Variants in RASGRP2 observed in about 807,000 individuals in gnomAD.
RASGRP2 encodes RAS guanyl-releasing protein 2.
Under a neutral mutation model 71.0 loss-of-function variants are expected in RASGRP2, and 44 were observed. The ratio of observed to expected loss-of-function variants is 0.62; its 90% CI spans 0.49 to 0.80. RASGRP2 has a LOEUF of 0.80. Among genes scored for constraint, RASGRP2 ranks in the 30% least tolerant of loss-of-function variants. The pLI is 0.00. For synonymous variants in RASGRP2, 350 were observed against 330.7 expected, an observed-to-expected ratio of 1.06 and a Z score of -0.63; for missense variants, 663 against 813.4, an observed-to-expected ratio of 0.82 and a Z score of 2.25.
At chr11:64,731,360 A>G (rs749761622) in intron 12 of RASGRP2, among the ~76,000 whole-genome samples, 60 of 142,762 alleles carry the variant, frequency 4.2e-4, no homozygotes, top group Admixed American at 1.9e-3. Flanking sequence ...CCTGTCTCAG[A>G]AAAAAAAAAA....
At chr11:64,727,974 C>A (rs986004505) in intron 15 of RASGRP2, among the ~76,000 whole-genome samples, 2 of 152,176 alleles carry the variant, frequency 1.3e-5, no homozygotes, top group Non-Finnish European at 1.5e-5. Context: ...ATGGATTTAT[C>A]TTTTCTATTT....
chr11:64,741,661 A>G, intron 3 of RASGRP2, 160 bp from the exon 4 acceptor site: 1 of 705,166 alleles, frequency 1.4e-6, no homozygotes, highest in Non-Finnish European at 2.5e-6. Context: ...GAGGGGTTGG[A>G]GGTGGGGGTG....
At chr11:64,733,823 G>A (rs2057839266) in intron 12 of RASGRP2, among the ~76,000 whole-genome samples, 1 of 151,280 alleles carries the variant, frequency 6.6e-6, no homozygotes, top group South Asian at 2.1e-4. Flanking sequence ...GAAAAGGAAA[G>A]AGGGGACTTT....
At position 64,735,806 on chromosome 11, in the gene RASGRP2, G is replaced by T; in HGVS notation, c.1173+97C>A. ...CCAGGATGCCTCTGTCCTACAAGATGGATGGGTGAGGTGGCTGCTAAGAGC... is the reference window on the plus strand; with the variant it reads ...CCAGGATGCCTCTGTCCTACAAGATTGATGGGTGAGGTGGCTGCTAAGAGC... On this transcript the variant is annotated intron_variant, in intron 10 of 16. Transcript: ENST00000394432. The surrounding 1 kb of genome is among the most constrained non-coding windows in gnomAD (Gnocchi z 4.2). 1 of 1,476,214 alleles carries T rather than the reference G, an allele frequency of 6.8e-7. No individual in the cohort carries two copies. The highest frequency in any genetic ancestry group is 9.3e-7 in the Non-Finnish European group (1 of 1,075,242). 91.4% of individuals were successfully genotyped at this position (1,476,214 alleles called of 1,614,324 possible). A position where few individuals can be genotyped will look rare whatever the true frequency, so the allele number is the denominator to read the frequency against.
rs375059620 is a variant in RASGRP2 at position 64,740,949 on chromosome 11, C to T, written c.370G>A (p.Val124Ile). 4.3e-6 allele frequency: 7 copies of T among 1,614,006 alleles called. No homozygotes were observed. Among genetic ancestry groups the T allele is most frequent in the South Asian group, 1.1e-5 (1 of 91,074 alleles). ...GCCCTCTGTGCTCCCCCCACGCACA[C>T]GCTGTCTATGTCGATTAGGCTGCTG... The part of the protein sequence containing the change: ...RHSSLIDIDS[V>I]PTYKWKRQVT... The change falls in exon 5 of 17, where the codon GTC becomes ATC. Residue 124 changes from valine (V) to isoleucine (I), a missense_variant and splice_region_variant. By Grantham distance (29) the Val-to-Ile change is conservative. Coordinates refer to ENST00000394432, the MANE Select transcript of RASGRP2 (RefSeq NM_001098671.2).
Position 64,742,662 on chromosome 11 carries a change from A to T in RASGRP2, c.73+132T>A. On this transcript the variant is annotated intron_variant, in intron 2 of 16. Coordinates refer to ENST00000394432, the MANE Select transcript of RASGRP2 (RefSeq NM_001098671.2). This position sits in a 1 kb window ranked among gnomAD's most constrained non-coding sequence, Gnocchi z 4.7. ...CTGCGTTGCGGAGGAGGCTTTCGTTAAAGAGACTGCACGCTGCGGAGCAGG... is the reference window on the plus strand; with the variant it reads ...CTGCGTTGCGGAGGAGGCTTTCGTTTAAGAGACTGCACGCTGCGGAGCAGG... The T allele has an allele frequency of 8.0e-7, 1 of 1,244,294 alleles. No individual in the cohort carries two copies. The highest frequency in any genetic ancestry group is 1.1e-6 in the Non-Finnish European group (1 of 878,720). The allele number at this position is 1,244,294 out of a possible 1,614,324, so 77.1% of individuals were successfully genotyped here.
chr11:64,729,713 C>CAAA, intron 14 of RASGRP2, 49 bp downstream of exon 14: 18 of 1,579,006 alleles, frequency 1.1e-5, no homozygotes, highest in African/African-American at 7.2e-5. Context: ...AACAAACAAA[C>CAAA]AAAAAAAAAA....
chr11:64,731,451 A>G (rs188073054), intron 12 of RASGRP2, among the ~76,000 whole-genome samples: 1 of 152,144 alleles, frequency 6.6e-6, no homozygotes, highest in Non-Finnish European at 1.5e-5. Flanking sequence ...AGAAGCCAGA[A>G]AGGAAAAGAC....
rs1199473559 is a variant in RASGRP2, at chr11:64,741,600, G to A, written c.177-99C>T. The A allele has an allele frequency of 4.6e-6, 5 of 1,090,720 alleles. No homozygotes were observed. In the African/African-American group the frequency reaches 6.3e-5, roughly 14 times the overall value. The allele number at this position is 1,090,720 out of a possible 1,614,324, so 67.6% of individuals were successfully genotyped here. A position where few individuals can be genotyped will look rare whatever the true frequency, so the allele number is the denominator to read the frequency against. On this transcript the variant is annotated intron_variant, in intron 3 of 16. Coordinates refer to ENST00000394432, the MANE Select transcript of RASGRP2 (RefSeq NM_001098671.2). ...CCTGGTTCTAGGAGACACGTTCTAG[G>A]GATGGGGCTTGCGCTCTGCGGAGAT...
Position 64,735,797 on chromosome 11 carries a change from C to T in RASGRP2, c.1173+106G>A. Reference sequence around the variant, plus strand: ...GCCCTACCCCCAGGATGCCTCTGTCCTACAAGATGGATGGGTGAGGTGGCT... The same window carrying T: ...GCCCTACCCCCAGGATGCCTCTGTCTTACAAGATGGATGGGTGAGGTGGCT... On this transcript the variant is annotated intron_variant, in intron 10 of 16. Transcript: ENST00000394432. This position sits in a 1 kb window ranked among gnomAD's most constrained non-coding sequence, Gnocchi z 4.2. The T allele has an allele frequency of 6.7e-7, 1 of 1,482,038 alleles. No individual in the cohort carries two copies. The highest frequency in any genetic ancestry group is 9.2e-7 in the Non-Finnish European group (1 of 1,082,040). The allele number at this position is 1,482,038 out of a possible 1,614,324, so 91.8% of individuals were successfully genotyped here.
chr11:64,743,481 C>T lies in RASGRP2; in HGVS notation c.-72+522G>A, dbSNP rs2135805567. 1 of 350,722 alleles carries T rather than the reference C, an allele frequency of 2.9e-6. No individual in the cohort carries two copies. The highest frequency in any genetic ancestry group is 2.1e-5 in the South Asian group (1 of 48,156). 21.7% of individuals were successfully genotyped at this position (350,722 alleles called of 1,614,324 possible). On this transcript the variant is annotated intron_variant, in intron 1 of 16. Transcript: ENST00000394432. The surrounding 1 kb of genome is among the most constrained non-coding windows in gnomAD (Gnocchi z 4.9). ...GGCGAGGCGGGGCTGCGGCAGCCCC[C>T]AGGGGGCCTGCCCTAGGGGAGGCGG... is the stretch of plus-strand genomic sequence containing the variant.
At chr11:64,729,429 C>G (rs552527197) in intron 14 of RASGRP2, among the ~76,000 whole-genome samples, 1 of 152,090 alleles carries the variant, frequency 6.6e-6, no homozygotes, top group South Asian at 2.1e-4. Context: ...CCCCGCCTCC[C>G]AGGTTCAAGC....
chr11:64,742,040 G>A lies in RASGRP2; in HGVS notation c.146C>T (p.Ser49Phe). The stretch of plus-strand genomic sequence containing the variant: ...GAGCAGCTTGGCCGCCAGCTGAGAG[G>A]AGGGGATGTACCAGGGGTGCATCAT... ...FLMMHPWYIP[S>F]SQLAAKLLHI... The change falls in exon 3 of 17, where the codon TCC (serine) becomes TTC (phenylalanine). Residue 49 changes from serine (S) to phenylalanine (F), a missense_variant. By Grantham distance (155) the Ser-to-Phe change is radical. Transcript: ENST00000394432. This position sits in a 1 kb window ranked among gnomAD's most constrained non-coding sequence, Gnocchi z 4.7. The A allele has an allele frequency of 6.2e-7, 1 of 1,611,928 alleles. No individual in the cohort carries two copies. Among genetic ancestry groups the A allele is most frequent in the Non-Finnish European group, 8.5e-7 (1 of 1,178,974 alleles).
chr11:64,729,035 T>G lies in RASGRP2; in HGVS notation c.1599A>C (p.Gly533=). 6.3e-7 allele frequency: 1 copy of G among 1,596,632 alleles called. No individual in the cohort carries two copies. The highest frequency in any genetic ancestry group is 8.5e-7 in the Non-Finnish European group (1 of 1,176,692). ...YKQGLKCRAC[G]VNCHKQCKDR... The stretch of plus-strand genomic sequence containing the variant: ...CCTTGCACTGCTTGTGGCAGTTCAC[T>G]CCACAGGCTGGGGGAGAGCAAATGG... Residue 533 remains glycine (G), a synonymous_variant, in exon 15 of 17, where the codon GGA becomes GGC. Transcript: ENST00000394432.
At chr11:64,729,631 C>T in intron 14 of RASGRP2, 131 bp downstream of exon 14, 1 of 1,170,638 alleles carries the variant, frequency 8.5e-7, no homozygotes. Context: ...GCCACCATGC[C>T]CGGCCATGCG....
chr11:64,742,811 C>T lies in RASGRP2; in HGVS notation c.56G>A (p.Gly19Glu). Reference protein sequence around the residue: ...KGCTVEELLRGCIEAFDDSGK... With the variant: ...KGCTVEELLRECIEAFDDSGK... ...CCACTCACCGAAGGCTTCGATGCAC[C>T]CGCGGAGCAGCTCCTCCACCGTGCA... is the stretch of plus-strand genomic sequence containing the variant. Residue 19 changes from glycine to glutamate, a missense_variant, in exon 2 of 17, where the codon GGG (glycine) becomes GAG (glutamate). Transcript: ENST00000394432. This position sits in a 1 kb window ranked among gnomAD's most constrained non-coding sequence, Gnocchi z 4.7. 6.2e-7 allele frequency: 1 copy of T among 1,608,878 alleles called. No individual in the cohort carries two copies. Among genetic ancestry groups the T allele is most frequent in the South Asian group, 1.1e-5 (1 of 90,148 alleles).
intron 13 of RASGRP2, 102 bp downstream of exon 13, chr11:64,729,951 C>T: frequency 6.6e-7 from 1 of 1,525,512 alleles, no homozygotes; most frequent in Non-Finnish European, 8.9e-7. Context: ...CCAGGTTTTC[C>T]TGGCTTGAGA....
chr11:64,737,361 C>T (rs1479606476), intron 8 of RASGRP2: 3 of 379,744 alleles, frequency 7.9e-6, no homozygotes, highest in South Asian at 4.9e-5. Context: ...TCAGCCACCC[C>T]GTCCAAACAG....
chr11:64,735,953 C>G lies in RASGRP2; in HGVS notation c.1123G>C (p.Asp375His). The G allele has an allele frequency of 6.2e-7, 1 of 1,614,048 alleles. No individual in the cohort carries two copies. The highest frequency in any genetic ancestry group is 8.5e-7 in the Non-Finnish European group (1 of 1,179,982). The change falls in exon 10 of 17, where the codon GAT (aspartate) becomes CAT (histidine). Residue 375 changes from aspartate (D) to histidine (H), a missense_variant. Physicochemically the swap from Asp to His is moderately conservative, Grantham distance 81 (BLOSUM62 -1). Coordinates refer to ENST00000394432, the MANE Select transcript of RASGRP2 (RefSeq NM_001098671.2). The surrounding 1 kb of genome is among the most constrained non-coding windows in gnomAD (Gnocchi z 4.2). The stretch of plus-strand genomic sequence containing the variant: ...TGCAGGGACAGCTGGTACAGCTCAT[C>G]CTCCGTCTGATACTGATCCAGAGAC... Reference protein sequence around the residue: ...TVSLDQYQTEDELYQLSLQRE... With the variant: ...TVSLDQYQTEHELYQLSLQRE...
Sources: allele counts gnomAD v4.1 joint callset (sites outside exome capture counted in the v4.1 genomes callset), GRCh38; gene constraint gnomAD v4.1.1; non-coding constraint Gnocchi (gnomAD v3.1); transcripts MANE v1.5; gene names NCBI Gene and HGNC (gene_info 2026-07-23, HGNC 2026-07-21).